UBL3: variants seen among roughly 807,000 people sequenced by gnomAD.
UBL3 encodes the protein ubiquitin-like protein 3.
A neutral mutation model predicts 18.4 loss-of-function variants in UBL3; 6 were observed. That is an observed-to-expected ratio of 0.33 (90% CI 0.18 to 0.64). The LOEUF is 0.64. Among genes scored for constraint, UBL3 ranks in the 30% least tolerant of loss-of-function variants. The pLI is 0.76. For synonymous variants in UBL3, 49 were observed against 46.6 expected, an observed-to-expected ratio of 1.05 and a Z score of -0.21; for missense variants, 109 against 142.9, an observed-to-expected ratio of 0.76 and a Z score of 1.21.
chr13:29,803,558 T>C (rs1877825439), intron 1 of UBL3, among the ~76,000 whole-genome samples: 1 of 150,052 alleles, frequency 6.7e-6, no homozygotes, highest in South Asian at 2.1e-4. Flanking sequence ...CGCAATGACA[T>C]CCAGAGGCTC....
chr13:29,835,914 G>T (rs950195647), intron 1 of UBL3, among the ~76,000 whole-genome samples: 2 of 152,102 alleles, frequency 1.3e-5, no homozygotes, highest in Non-Finnish European at 2.9e-5. Context: ...AGTCATGTTA[G>T]ACAGGAGCTA....
intron 1 of UBL3, among the ~76,000 whole-genome samples, chr13:29,780,697 A>G (rs1877131426): frequency 1.3e-5 from 2 of 152,018 alleles, no homozygotes; most frequent in Admixed American, 1.3e-4. Flanking sequence ...TATAACTAAG[A>G]CTACATTTAC....
intron 1 of UBL3, among the ~76,000 whole-genome samples, chr13:29,818,142 G>C (rs2794300): frequency 0.1 from 15,527 of 152,006 alleles, 974 homozygotes; most frequent in African/African-American, 0.17. Context: ...ACTGCACCAA[G>C]CAGTGAAAAA....
chr13:29,789,711 G>A (rs891944684), intron 1 of UBL3, among the ~76,000 whole-genome samples: 1 of 152,212 alleles, frequency 6.6e-6, no homozygotes, highest in African/African-American at 2.4e-5. Flanking sequence ...TTTCAAATAT[G>A]TTGGGCATAA....
intron 1 of UBL3, among the ~76,000 whole-genome samples, chr13:29,780,659 C>G (rs1877130538): frequency 6.6e-6 from 1 of 151,900 alleles, no homozygotes; most frequent in African/African-American, 2.4e-5. Context: ...AAACAAGTAA[C>G]CTGTTTACTA....
intron 1 of UBL3, among the ~76,000 whole-genome samples, chr13:29,813,529 T>C (rs532840069): frequency 9.2e-5 from 14 of 152,034 alleles, no homozygotes; most frequent in African/African-American, 2.9e-4. Flanking sequence ...CAACCACAGA[T>C]TGAAAATATT....
At chr13:29,771,131 A>C (rs1358605971) in intron 3 of UBL3, among the ~76,000 whole-genome samples, 4 of 152,170 alleles carry the variant, frequency 2.6e-5, no homozygotes, top group Non-Finnish European at 5.9e-5. Context: ...GTGTTGGCCC[A>C]TAAGAATTTA....
chr13:29,846,185 C>G (rs1029556309), intron 1 of UBL3, among the ~76,000 whole-genome samples: 1 of 152,026 alleles, frequency 6.6e-6, no homozygotes, highest in African/African-American at 2.4e-5. Flanking sequence ...ATAAATACAT[C>G]ATTTAAATAC....
In UBL3 at chr13:29,833,875, G is replaced by A. The variant is rs750549245; in HGVS notation, c.27+15637C>T. On this transcript the variant is annotated intron_variant, in intron 1 of 4. Transcript: ENST00000380680. ...TAAAAAAGCATCTGACACATAGGAG[G>A]TACTCAACAAGTACTTATTGACTGT... is the stretch of plus-strand genomic sequence containing the variant. 7.2e-5 allele frequency among the ~76,000 whole-genome samples: 11 copies of A among 152,300 alleles called. 2 individuals are homozygous for A. In the South Asian group the frequency reaches 1.9e-3, roughly 26 times the overall value.
chr13:29,776,527 T>C (rs1335811613), intron 2 of UBL3, among the ~76,000 whole-genome samples: 1 of 152,092 alleles, frequency 6.6e-6, no homozygotes, highest in Non-Finnish European at 1.5e-5. Flanking sequence ...TCTCCCAAAG[T>C]GCTGGGATTA....
At position 29,842,529 on chromosome 13, in the gene UBL3, T is replaced by G. The variant is rs145902334; in HGVS notation, c.27+6983A>C. Among the ~76,000 whole-genome samples, 1,060 of 152,280 alleles carry G rather than the reference T, an allele frequency of 7.0e-3. 14 individuals are homozygous for G. Among genetic ancestry groups the G allele is most frequent in the African/African-American group, 0.024 (1,004 of 41,548 alleles). On this transcript the variant is annotated intron_variant, in intron 1 of 4. Transcript: ENST00000380680. The stretch of plus-strand genomic sequence containing the variant: ...CTTCCTAGCTGCAAAACAGTCAACC[T>G]AACTTGTTTCACCACAGATGCATTC...
rs996820857 is a variant in UBL3 at position 29,849,937 on chromosome 13, C to T, written c.-399G>A. ...GCCCCGGCAATGATTCACACTTGCTCCCGAGTCAAGTCCTCATTAAGCAGG... is the reference window on the plus strand; with the variant it reads ...GCCCCGGCAATGATTCACACTTGCTTCCGAGTCAAGTCCTCATTAAGCAGG... On this transcript the variant is annotated 5_prime_UTR_variant, in exon 1 of 5. Transcript: ENST00000380680. 49 of 339,540 alleles carry T rather than the reference C, an allele frequency of 1.4e-4. No individual in the cohort carries two copies. The highest frequency in any genetic ancestry group is 1.6e-4 in the Non-Finnish European group (29 of 177,948). 21.0% of individuals were successfully genotyped at this position (339,540 alleles called of 1,614,324 possible). A position where few individuals can be genotyped will look rare whatever the true frequency, so the allele number is the denominator to read the frequency against.
At chr13:29,813,661 C>T (rs923225173) in intron 1 of UBL3, among the ~76,000 whole-genome samples, 3 of 152,002 alleles carry the variant, frequency 2.0e-5, no homozygotes, top group African/African-American at 7.2e-5. Context: ...CAGGAAAGGA[C>T]GTGCATAGGT....
chr13:29,813,794 C>T (rs1002178075), intron 1 of UBL3, among the ~76,000 whole-genome samples: 1 of 151,968 alleles, frequency 6.6e-6, no homozygotes, highest in Non-Finnish European at 1.5e-5. Flanking sequence ...GTATTCAATT[C>T]CTCAAACTGC....
chr13:29,822,716 TA>T (rs1321186768), intron 1 of UBL3, among the ~76,000 whole-genome samples: 6 of 152,126 alleles, frequency 3.9e-5, no homozygotes, highest in African/African-American at 1.4e-4. Flanking sequence ...GACTGCATTT[TA>T]AAAAGGAAAT....
intron 1 of UBL3, among the ~76,000 whole-genome samples, chr13:29,792,916 A>T (rs902081013): frequency 6.6e-6 from 1 of 152,214 alleles, no homozygotes; most frequent in Non-Finnish European, 1.5e-5. Context: ...ATCTGTGCAT[A>T]CTTTCTAAGC....
rs545018806 is a variant in UBL3, at chr13:29,777,643, T to A, written c.28-380A>T. On this transcript the variant is annotated intron_variant, in intron 1 of 4. Coordinates refer to ENST00000380680, the MANE Select transcript of UBL3 (RefSeq NM_007106.4). ...AAAAATGTTGACACTGCAGGTCTCGTCACTAAACAGAAAAAAAATTTAGTT... is the reference window on the plus strand; with the variant it reads ...AAAAATGTTGACACTGCAGGTCTCGACACTAAACAGAAAAAAAATTTAGTT... Among the ~76,000 whole-genome samples, 3 of 152,222 alleles carry A rather than the reference T, an allele frequency of 2.0e-5. No individual in the cohort carries two copies. The East Asian group carries it at 5.8e-4, about 29-fold the overall frequency.
At chr13:29,817,838 T>C (rs920152310) in intron 1 of UBL3, among the ~76,000 whole-genome samples, 5 of 152,162 alleles carry the variant, frequency 3.3e-5, no homozygotes, top group Admixed American at 2.0e-4. Flanking sequence ...CAACCAGACA[T>C]AAACAAGTGC....
In UBL3 at chr13:29,764,928, C is replaced by T. The variant is rs1565986520; in HGVS notation, c.*2327G>A. ...GACAGCTGAGTATTTCACGTATATA[C>T]TATTAAGGCATCTAAATTTTTGGTG... is the stretch of plus-strand genomic sequence containing the variant. On this transcript the variant is annotated 3_prime_UTR_variant, in exon 5 of 5. Transcript: ENST00000380680. 6.6e-6 allele frequency: 1 copy of T among 152,142 alleles called. No individual in the cohort carries two copies. Among genetic ancestry groups the T allele is most frequent in the Non-Finnish European group, 1.5e-5 (1 of 68,034 alleles). 9.4% of individuals were successfully genotyped at this position (152,142 alleles called of 1,614,324 possible).
Sources: allele counts gnomAD v4.1 joint callset (sites outside exome capture counted in the v4.1 genomes callset), GRCh38; gene constraint gnomAD v4.1.1; transcripts MANE v1.5; gene names NCBI Gene and HGNC (gene_info 2026-07-23, HGNC 2026-07-21).